The following PCDH9 variants were observed in gnomAD, a reference collection of about 807,000 sequenced individuals.
PCDH9 encodes the protein protocadherin 9.
A neutral mutation model predicts 70.6 loss-of-function variants in PCDH9; 24 were observed. That is an observed-to-expected ratio of 0.34 (90% CI 0.25 to 0.48). The LOEUF (loss-of-function observed/expected upper bound fraction) is 0.48, where lower values mean the gene tolerates loss of function less well. Ranked by LOEUF, PCDH9 falls within the 20% of genes least tolerant of loss-of-function variation. The pLI, the probability that PCDH9 is intolerant of heterozygous loss-of-function variation, is 0.99. For synonymous variants in PCDH9, 562 were observed against 558.5 expected, an observed-to-expected ratio of 1.01 and a Z score of -0.09; for missense variants, 1,281 against 1,503.6, an observed-to-expected ratio of 0.85 and a Z score of 2.45.
At chr13:66,533,924 GTTCT>G (rs924500656) in intron 4 of PCDH9, among the ~76,000 whole-genome samples, 12 of 152,042 alleles carry the variant, frequency 7.9e-5, no homozygotes, top group African/African-American at 2.4e-4. Flanking sequence ...GACTTTTTTT[GTTCT>G]TTCTATGTCT....
rs532528755 is a variant in PCDH9, at chr13:66,589,561, G to A, written c.3340+41649C>T. On this transcript the variant is annotated intron_variant, in intron 4 of 4. Transcript: ENST00000377865. ...ATATTAAAATATTAATTACAAAATA[G>A]CTATATGGGATAGTCATATAAGATG... 3.3e-5 allele frequency among the ~76,000 whole-genome samples: 5 copies of A among 152,114 alleles called. No homozygotes were observed. In the South Asian group the frequency reaches 1.0e-3, roughly 32 times the overall value.
At chr13:67,119,734 A>G (rs2086842820) in intron 2 of PCDH9, among the ~76,000 whole-genome samples, 1 of 152,122 alleles carries the variant, frequency 6.6e-6, no homozygotes, top group African/African-American at 2.4e-5. Context: ...CATATTTTAG[A>G]ATTGCCTAAG....
chr13:67,153,351 G>T (rs2087710832), intron 2 of PCDH9, among the ~76,000 whole-genome samples: 1 of 150,682 alleles, frequency 6.6e-6, no homozygotes, highest in African/African-American at 2.4e-5. Flanking sequence ...ATTTTTTTTT[G>T]CAGATATGGT....
At chr13:66,469,617 C>T (rs1448334439) in intron 4 of PCDH9, among the ~76,000 whole-genome samples, 1 of 152,024 alleles carries the variant, frequency 6.6e-6, no homozygotes, top group Non-Finnish European at 1.5e-5. Flanking sequence ...ATTATTTCTT[C>T]TATGCCACAG....
chr13:66,384,439 A>G (rs1245482185), intron 4 of PCDH9, among the ~76,000 whole-genome samples: 4 of 152,214 alleles, frequency 2.6e-5, no homozygotes, highest in Non-Finnish European at 5.9e-5. Context: ...AAAGTGTAAA[A>G]TATAATGCTT....
At chr13:66,505,239 T>A (rs1959198992) in intron 4 of PCDH9, among the ~76,000 whole-genome samples, 1 of 152,208 alleles carries the variant, frequency 6.6e-6, no homozygotes, top group African/African-American at 2.4e-5. Context: ...AATAAAGACA[T>A]ACATGAGACT....
intron 4 of PCDH9, among the ~76,000 whole-genome samples, chr13:66,612,077 G>A (rs2077299871): frequency 6.6e-6 from 1 of 152,162 alleles, no homozygotes; most frequent in African/African-American, 2.4e-5. Context: ...AACAAATTTA[G>A]TCTCAATATC....
chr13:66,429,252 G>A (rs1020395124), intron 4 of PCDH9, among the ~76,000 whole-genome samples: 1 of 151,668 alleles, frequency 6.6e-6, no homozygotes, highest in Non-Finnish European at 1.5e-5. Flanking sequence ...AAAAGCAAGA[G>A]AGATTAATAA....
At chr13:67,065,058 G>A (rs2085620040) in intron 2 of PCDH9, among the ~76,000 whole-genome samples, 1 of 152,098 alleles carries the variant, frequency 6.6e-6, no homozygotes, top group South Asian at 2.1e-4. Flanking sequence ...TGTCTTGGGG[G>A]AATTATGGTG....
At chr13:67,151,606 A>G (rs2087663717) in intron 2 of PCDH9, among the ~76,000 whole-genome samples, 1 of 152,182 alleles carries the variant, frequency 6.6e-6, no homozygotes, top group Admixed American at 6.6e-5. Flanking sequence ...GTATGATTCA[A>G]GCACCTGGTT....
chr13:67,096,622 A>G (rs2086326025), intron 2 of PCDH9, among the ~76,000 whole-genome samples: 1 of 152,188 alleles, frequency 6.6e-6, no homozygotes, highest in South Asian at 2.1e-4. Context: ...ATCAAAGTTC[A>G]TCACTTACAC....
intron 2 of PCDH9, among the ~76,000 whole-genome samples, chr13:67,160,546 CAA>C (rs1201456171): frequency 1.5e-5 from 2 of 136,642 alleles, no homozygotes; most frequent in African/African-American, 2.7e-5. Context: ...GACTCCGTCT[CAA>C]AAAAAAAAAG....
intron 3 of PCDH9, among the ~76,000 whole-genome samples, chr13:66,854,880 T>C (rs2081369280): frequency 6.6e-6 from 1 of 152,222 alleles, no homozygotes; most frequent in African/African-American, 2.4e-5. Context: ...AGGGTCTGTA[T>C]TGATTGATAT....
Position 66,905,974 on chromosome 13 carries a change from CTGTT to C in PCDH9, c.3037-2373_3037-2370del, listed in dbSNP as rs930638364. On this transcript the variant is annotated intron_variant, in intron 2 of 4. Transcript: ENST00000377865. Reference sequence around the variant, plus strand: ...AACTCATTCATTCACTCATTTTATTCTGTTTGTTTGTTTGATAATCAGACTTTTA... The same window carrying C: ...AACTCATTCATTCACTCATTTTATTCTGTTTGTTTGATAATCAGACTTTTA... Among the ~76,000 whole-genome samples, 16 of 152,198 alleles carry C rather than the reference CTGTT, an allele frequency of 1.1e-4. 1 individual carries two copies. The Middle Eastern group carries it at 0.01, about 97-fold the overall frequency.
At chr13:66,513,416 T>G (rs1369879707) in intron 4 of PCDH9, among the ~76,000 whole-genome samples, 3 of 152,082 alleles carry the variant, frequency 2.0e-5, no homozygotes, top group Non-Finnish European at 4.4e-5. Context: ...TCAAACTACC[T>G]GTCCCTAAGA....
chr13:67,009,022 ATTTTT>A (rs1030767617), intron 2 of PCDH9, among the ~76,000 whole-genome samples: 1 of 152,060 alleles, frequency 6.6e-6, no homozygotes, highest in Non-Finnish European at 1.5e-5. Flanking sequence ...AAACTATTTT[ATTTTT>A]ATTTTTATAT....
chr13:67,116,495 A>G (rs1485287147), intron 2 of PCDH9, among the ~76,000 whole-genome samples: 1 of 152,190 alleles, frequency 6.6e-6, no homozygotes, highest in Non-Finnish European at 1.5e-5. Flanking sequence ...TGCTAAATTA[A>G]GTACTAATTG....
In PCDH9 at chr13:66,788,749, A is replaced by G. The variant is rs2080118827; in HGVS notation, c.3138+114755T>C. ...AATAAAACAAAAAAAATCCAAACAA[A>G]CTTAACTTATCCAGCTACTATCCTC... On this transcript the variant is annotated intron_variant, in intron 3 of 4. Coordinates refer to ENST00000377865, the MANE Select transcript of PCDH9 (RefSeq NM_203487.3). 2.0e-5 allele frequency among the ~76,000 whole-genome samples: 3 copies of G among 151,190 alleles called. No homozygotes were observed. The Admixed American group carries it at 2.0e-4, about 10-fold the overall frequency.
chr13:67,105,367 A>G (rs1037469707), intron 2 of PCDH9, among the ~76,000 whole-genome samples: 11 of 152,180 alleles, frequency 7.2e-5, no homozygotes, highest in Non-Finnish European at 1.3e-4. Flanking sequence ...AGGACATTTT[A>G]TATTAGCCCA....
Sources: allele counts gnomAD v4.1 joint callset (sites outside exome capture counted in the v4.1 genomes callset), GRCh38; gene constraint gnomAD v4.1.1; transcripts MANE v1.5; gene names NCBI Gene and HGNC (gene_info 2026-07-23, HGNC 2026-07-21).